The following DHRS12 variants were observed in gnomAD, a reference collection of about 807,000 sequenced individuals.
DHRS12 encodes the protein dehydrogenase/reductase SDR family member 12.
In DHRS12, 29 loss-of-function variants were observed where a neutral mutation model predicts 32.1. The ratio of observed to expected loss-of-function variants is 0.90; its 90% confidence interval spans 0.67 to 1.23. DHRS12 has a LOEUF of 1.23. Among genes scored for constraint, DHRS12 ranks in the 50% most tolerant of loss-of-function variants. The pLI is 0.00. For missense variants in DHRS12, 330 were observed against 337.2 expected (o/e 0.98, Z 0.17); for synonymous variants, 150 against 135.9 (o/e 1.10, Z -0.72).
intron 4 of DHRS12, among the ~76,000 whole-genome samples, chr13:51,783,735 C>G (rs1954828388): frequency 1.3e-5 from 2 of 152,196 alleles, no homozygotes; most frequent in African/African-American, 4.8e-5. Context: ...CCAGAATGTC[C>G]TATAAATGGA....
intron 1 of DHRS12, among the ~76,000 whole-genome samples, chr13:51,800,088 G>A (rs932801477): frequency 6.6e-6 from 1 of 152,100 alleles, no homozygotes; most frequent in Non-Finnish European, 1.5e-5. Context: ...TTGGAGAAAC[G>A]GGGGAGATTT....
At chr13:51,773,863 T>G (rs2138964756) in intron 6 of DHRS12, 67 bp downstream of exon 6, 1 of 1,361,004 alleles carries the variant, frequency 7.3e-7, no homozygotes, top group Non-Finnish European at 1.1e-6. Context: ...CAGAGTAAGC[T>G]TTCCTTGGAA....
At chr13:51,763,940 A>G (rs1228674154), downstream of DHRS12, 1 of 152,210 alleles carries the variant, frequency 6.6e-6, no homozygotes, top group Non-Finnish European at 1.5e-5. Context: ...TCCTTTGGTT[A>G]TGGCTGTTCA....
At chr13:51,778,222 A>G (rs1055953177) in intron 4 of DHRS12, among the ~76,000 whole-genome samples, 1 of 152,212 alleles carries the variant, frequency 6.6e-6, no homozygotes, top group African/African-American at 2.4e-5. Flanking sequence ...ACCTCACAGG[A>G]TCAGAGGAGT....
chr13:51,777,722 C>T (rs968613589), intron 4 of DHRS12, among the ~76,000 whole-genome samples: 3 of 152,192 alleles, frequency 2.0e-5, no homozygotes, highest in Non-Finnish European at 1.5e-5. Flanking sequence ...GGGAACACCA[C>T]CATTCCATTT....
chr13:51,795,514 T>G (rs1176162747), intron 2 of DHRS12, among the ~76,000 whole-genome samples: 1 of 152,224 alleles, frequency 6.6e-6, no homozygotes, highest in African/African-American at 2.4e-5. Flanking sequence ...TTCAGTAACA[T>G]CTAACAGACA....
chr13:51,772,148 ACT>A (rs1295237224), intron 6 of DHRS12, among the ~76,000 whole-genome samples: 7 of 152,088 alleles, frequency 4.6e-5, no homozygotes, highest in African/African-American at 7.2e-5. Flanking sequence ...GCAGCAAAAC[ACT>A]GAGAGAGAAG....
chr13:51,775,920 T>C (rs1282584498), intron 5 of DHRS12: 1 of 144,042 alleles, frequency 6.9e-6, no homozygotes, highest in Non-Finnish European at 1.6e-5. Flanking sequence ...TATTCTACAG[T>C]ATTCTCCTAC....
intron 2 of DHRS12, 56 bp from the exon 3 acceptor site, chr13:51,791,313 C>A: frequency 1.9e-6 from 2 of 1,033,806 alleles, no homozygotes; most frequent in Middle Eastern, 3.3e-4. Context: ...TAAACTAGCA[C>A]TTTTAATTTT....
intron 5 of DHRS12, 184 bp from the exon 6 acceptor site, chr13:51,774,218 C>G (rs1295417814): frequency 4.3e-5 from 25 of 578,054 alleles, no homozygotes; most frequent in Non-Finnish European, 7.4e-5. Flanking sequence ...ATGTATTCTC[C>G]TACAGTACAT....
At chr13:51,764,858 T>A (rs1208567930), downstream of DHRS12, 5 of 152,250 alleles carry the variant, frequency 3.3e-5, no homozygotes, top group Admixed American at 3.3e-4. Context: ...GCCAAAGGTG[T>A]GTTGGGCTCA....
Position 51,768,236 on chromosome 13 carries a change from T to A in DHRS12, c.758A>T (p.Glu253Val), listed in dbSNP as rs1486503793. Residue 253 changes from glutamate (E) to valine (V), a missense_variant, in exon 9 of 9, where the codon GAG becomes GTG. Physicochemically the swap from Glu to Val is moderately radical, Grantham distance 121. Transcript: ENST00000444610. ...LATASSSPAE[E>V]EKLIEILEQL... ...TTCCAGGATTTCAATGAGTTTCTCCTCTTCGGCCGGTGAGGAGGACGCTGT... is the reference window on the plus strand; with the variant it reads ...TTCCAGGATTTCAATGAGTTTCTCCACTTCGGCCGGTGAGGAGGACGCTGT... 2 of 1,536,138 alleles carry A rather than the reference T, an allele frequency of 1.3e-6. No homozygotes were observed. The highest frequency in any genetic ancestry group is 1.7e-6 in the Non-Finnish European group (2 of 1,146,912).
intron 7 of DHRS12, 109 bp downstream of exon 7, chr13:51,771,712 T>G: frequency 7.1e-7 from 1 of 1,408,554 alleles, no homozygotes; most frequent in Non-Finnish European, 9.9e-7. Flanking sequence ...TACTCCTCAG[T>G]CCTCATTACG....
chr13:51,797,872 G>A, intron 2 of DHRS12: 1 of 1,535,864 alleles, frequency 6.5e-7, no homozygotes, highest in Non-Finnish European at 8.7e-7. Context: ...ATCTTCTGCT[G>A]GGGCTTGATC....
intron 4 of DHRS12, among the ~76,000 whole-genome samples, chr13:51,788,790 T>G (rs1043009311): frequency 1.3e-5 from 2 of 151,756 alleles, no homozygotes; most frequent in African/African-American, 4.8e-5. Flanking sequence ...AGCCCAGGAG[T>G]TTGAGGCTGC....
downstream of DHRS12, chr13:51,765,816 G>C (rs949660272): frequency 1.3e-5 from 2 of 152,160 alleles, no homozygotes; most frequent in African/African-American, 2.4e-5. Flanking sequence ...GGTAAGGGTG[G>C]AAATTAATCA....
downstream of DHRS12, chr13:51,767,857 CAGG>C: frequency 6.4e-6 from 2 of 312,386 alleles, no homozygotes; most frequent in South Asian, 1.2e-4. Context: ...GTGGAGTTCA[CAGG>C]GGGGCATTCC....
Position 51,784,280 on chromosome 13 carries a change from G to A in DHRS12, c.301+5731C>T, listed in dbSNP as rs147011072. ...AACAGGCACACAGAGGGGTCCATGG[G>A]AGCCCAGAGGGGAGCATCTGACCAG... On this transcript the variant is annotated intron_variant, in intron 4 of 8. Coordinates refer to ENST00000444610, the MANE Select transcript of DHRS12 (RefSeq NM_001377533.1). Among the ~76,000 whole-genome samples the A allele has an allele frequency of 5.9e-5, 9 of 152,300 alleles. No homozygotes were observed. In the East Asian group the frequency reaches 1.3e-3, roughly 23 times the overall value.
intron 4 of DHRS12, among the ~76,000 whole-genome samples, chr13:51,781,008 C>T (rs370282653): frequency 9.2e-5 from 14 of 152,148 alleles, no homozygotes; most frequent in Non-Finnish European, 1.2e-4. Context: ...TACTATCTGA[C>T]GGAGAAAACC....
Sources: gnomAD v4.1 joint callset for allele counts (sites outside exome capture counted in the v4.1 genomes callset) on GRCh38, gnomAD v4.1.1 for gene constraint, MANE v1.5 for transcripts, NCBI Gene and HGNC (gene_info 2026-07-23, HGNC 2026-07-21) for gene names.